Variants in VWC2 observed in about 807,000 individuals in gnomAD.
VWC2 encodes the protein von Willebrand factor C domain containing 2.
VWC2 carries 14 observed loss-of-function variants against 29.8 expected under a neutral mutation model. The ratio of observed to expected loss-of-function variants is 0.47; its 90% CI spans 0.31 to 0.74. The LOEUF (loss-of-function observed/expected upper bound fraction) is 0.74. VWC2 is among the 30% of genes least tolerant of loss of function. The probability of loss-of-function intolerance (pLI) is 0.05; values close to 1 mark genes in which losing one functional copy is unlikely to be tolerated. For missense variants in VWC2, 457 were observed against 459.8 expected (o/e 0.99, Z 0.05); for synonymous variants, 213 against 199.0 (o/e 1.07, Z -0.59).
At chr7:49,827,141 A>G (rs1333435947) in intron 3 of VWC2, among the ~76,000 whole-genome samples, 2 of 152,034 alleles carry the variant, frequency 1.3e-5, no homozygotes, top group Admixed American at 6.6e-5. Flanking sequence ...GATTTTGTAT[A>G]TTCTGTTAAT....
chr7:49,786,870 A>G (rs1788312433), intron 2 of VWC2, among the ~76,000 whole-genome samples: 2 of 152,296 alleles, frequency 1.3e-5, no homozygotes, highest in Non-Finnish European at 2.9e-5. Context: ...TTTCTTATAG[A>G]TGGTGGACCT....
chr7:49,912,160 C>T lies in VWC2; in HGVS notation c.953C>T (p.Thr318Met), dbSNP rs768674514. The change falls in exon 4 of 4, where the codon ACG (threonine) becomes ATG (methionine). Residue 318 changes from threonine to methionine, a missense_variant. Physicochemically the swap from Thr to Met is moderately conservative, Grantham distance 81. Around this residue, in one of 2 missense-constraint regions of VWC2, gnomAD observed 185 missense variants for 257.1 expected, o/e 0.72. Transcript: ENST00000340652. ...AGAATCGAGCGGCAGGCCATGTGCA[C>T]GAGACATGAATGCAGGCAAATGTAG... ...TWRIERQAMC[T>M]RHECRQM The T allele has an allele frequency of 1.8e-5, 29 of 1,613,684 alleles. No homozygotes were observed. The highest frequency in any genetic ancestry group is 1.6e-4 in the Middle Eastern group (1 of 6,084).
intron 3 of VWC2, among the ~76,000 whole-genome samples, chr7:49,804,281 G>T (rs1788819250): frequency 6.6e-6 from 1 of 151,744 alleles, no homozygotes; most frequent in Non-Finnish European, 1.5e-5. Flanking sequence ...GGGGGAAGAA[G>T]ACTCTGGGAT....
chr7:49,865,389 G>A (rs1382614893), intron 3 of VWC2, among the ~76,000 whole-genome samples: 1 of 152,188 alleles, frequency 6.6e-6, no homozygotes, highest in Non-Finnish European at 1.5e-5. Context: ...GGAGTAACAT[G>A]AGCACTGAAT....
intron 3 of VWC2, among the ~76,000 whole-genome samples, chr7:49,877,700 C>T (rs1791499579): frequency 2.0e-5 from 3 of 149,420 alleles, no homozygotes. Flanking sequence ...CAGGAGCCCT[C>T]CCATCTAGTC....
At chr7:49,800,967 A>G (rs901339340) in intron 2 of VWC2, among the ~76,000 whole-genome samples, 1 of 152,148 alleles carries the variant, frequency 6.6e-6, no homozygotes, top group Non-Finnish European at 1.5e-5. Flanking sequence ...TACATTGCCA[A>G]CCAGGTCAGT....
chr7:49,837,377 C>T (rs555985212), intron 3 of VWC2, among the ~76,000 whole-genome samples: 147 of 152,334 alleles, frequency 9.6e-4, no homozygotes, highest in African/African-American at 3.4e-3. Flanking sequence ...AAACCAATAA[C>T]AAGTCACCTC....
At chr7:49,811,008 C>A (rs1361986731) in intron 3 of VWC2, among the ~76,000 whole-genome samples, 2 of 152,010 alleles carry the variant, frequency 1.3e-5, no homozygotes, top group Non-Finnish European at 2.9e-5. Context: ...AAAGAAAAAA[C>A]TAATAAATTG....
chr7:49,856,963 T>A (rs1264682384), intron 3 of VWC2, among the ~76,000 whole-genome samples: 1 of 124,104 alleles, frequency 8.1e-6, no homozygotes, highest in Non-Finnish European at 1.6e-5. Flanking sequence ...TGAGCTGAGA[T>A]CGGGCCACTG....
intron 3 of VWC2, among the ~76,000 whole-genome samples, chr7:49,867,818 C>A (rs1002692735): frequency 1.3e-5 from 2 of 148,538 alleles, no homozygotes; most frequent in African/African-American, 4.9e-5. Context: ...ACATTATTTT[C>A]TATTTTTTAT....
intron 3 of VWC2, among the ~76,000 whole-genome samples, chr7:49,896,573 T>A (rs1200538783): frequency 1.3e-5 from 2 of 151,866 alleles, no homozygotes; most frequent in African/African-American, 4.8e-5. Context: ...AAACAAAAAA[T>A]CATGTAAGAA....
At chr7:49,789,928 C>T (rs902090658) in intron 2 of VWC2, among the ~76,000 whole-genome samples, 4 of 152,234 alleles carry the variant, frequency 2.6e-5, no homozygotes, top group African/African-American at 9.6e-5. Flanking sequence ...CCTACGGCCC[C>T]TTGGCTCCTT....
chr7:49,832,397 T>C (rs990924654), intron 3 of VWC2, among the ~76,000 whole-genome samples: 3 of 152,102 alleles, frequency 2.0e-5, no homozygotes. Context: ...TTCTGAGAAA[T>C]AGAGAATTCT....
intron 3 of VWC2, among the ~76,000 whole-genome samples, chr7:49,886,322 TCAC>T (rs34718730): frequency 0.031 from 4,697 of 152,238 alleles, 260 homozygotes; most frequent in African/African-American, 0.11. Flanking sequence ...AGCGCAAAAT[TCAC>T]CACATTAGCC....
At chr7:49,881,518 C>G (rs4916997) in intron 3 of VWC2, among the ~76,000 whole-genome samples, 112,596 of 152,082 alleles carry the variant, frequency 0.74, 41,909 homozygotes, top group East Asian at 0.88. Context: ...TGTGGCCTTA[C>G]TTATTTGGGT....
intron 3 of VWC2, among the ~76,000 whole-genome samples, chr7:49,902,681 C>T (rs569542189): frequency 6.6e-6 from 1 of 151,632 alleles, no homozygotes; most frequent in South Asian, 2.1e-4. Context: ...AAGAAAAAAA[C>T]TTTAGGACGT....
chr7:49,835,515 G>A (rs545586715), intron 3 of VWC2, among the ~76,000 whole-genome samples: 1 of 152,204 alleles, frequency 6.6e-6, no homozygotes. Flanking sequence ...GCTGCAGTAA[G>A]GGAGACAATC....
At chr7:49,795,311 G>T (rs1333882673) in intron 2 of VWC2, among the ~76,000 whole-genome samples, 2 of 152,202 alleles carry the variant, frequency 1.3e-5, no homozygotes, top group African/African-American at 4.8e-5. Flanking sequence ...GCTGTTTAAA[G>T]AAGACATTGA....
intron 3 of VWC2, among the ~76,000 whole-genome samples, chr7:49,889,079 A>G (rs184127206): frequency 2.0e-5 from 3 of 152,342 alleles, no homozygotes; most frequent in Admixed American, 6.5e-5. Context: ...GTTGCAAGTG[A>G]GACCAGATAT....
Sources: allele counts gnomAD v4.1 joint callset (sites outside exome capture counted in the v4.1 genomes callset), GRCh38; gene constraint gnomAD v4.1.1; regional missense constraint gnomAD v4.1.1; transcripts MANE v1.5; gene names NCBI Gene and HGNC (gene_info 2026-07-23, HGNC 2026-07-21).